Variants in MAGI2 observed in about 807,000 individuals in gnomAD.
MAGI2 encodes membrane-associated guanylate kinase, WW and PDZ domain-containing protein 2.
Under a neutral mutation model 133.3 loss-of-function variants are expected in MAGI2, and 35 were observed. The ratio of observed to expected loss-of-function variants is 0.26; its 90% CI spans 0.20 to 0.35. The LOEUF is 0.35. Ranked by LOEUF, MAGI2 falls within the 10% of genes least tolerant of loss-of-function variation. The pLI, the probability that MAGI2 is intolerant of heterozygous loss-of-function variation, is 1.00. For synonymous variants in MAGI2, 729 were observed against 710.6 expected (o/e 1.03, Z -0.41); for missense variants, 1,636 against 1,863.4 (o/e 0.88, Z 2.25).
intron 1 of MAGI2, among the ~76,000 whole-genome samples, chr7:79,297,470 C>A (rs1299502454): frequency 6.6e-6 from 1 of 152,076 alleles, no homozygotes; most frequent in Non-Finnish European, 1.5e-5. Flanking sequence ...AGGCAGTTGA[C>A]TAAGAGCCTC....
At chr7:79,305,951 A>G (rs1837752484) in intron 1 of MAGI2, among the ~76,000 whole-genome samples, 2 of 151,678 alleles carry the variant, frequency 1.3e-5, no homozygotes, top group African/African-American at 4.8e-5. Flanking sequence ...GAGGCATAGG[A>G]AAGGCTTTGG....
intron 9 of MAGI2, among the ~76,000 whole-genome samples, chr7:78,276,815 C>A (rs1795106722): frequency 6.6e-6 from 1 of 151,944 alleles, no homozygotes; most frequent in South Asian, 2.1e-4. Context: ...CATGAAAATT[C>A]ATGGTAGAGG....
At chr7:78,133,528 C>T (rs957483940) in intron 17 of MAGI2, among the ~76,000 whole-genome samples, 5 of 152,162 alleles carry the variant, frequency 3.3e-5, no homozygotes, top group African/African-American at 1.2e-4. Flanking sequence ...CCTTGTCAGT[C>T]TTATTGCCTC....
chr7:79,015,305 T>TA (rs1320225034), intron 1 of MAGI2, among the ~76,000 whole-genome samples: 4 of 148,776 alleles, frequency 2.7e-5, no homozygotes, highest in African/African-American at 1.0e-4. Context: ...AATGAAAAAT[T>TA]AAAAAAAAAT....
chr7:78,552,077 A>G (rs1163900862), intron 3 of MAGI2, among the ~76,000 whole-genome samples: 1 of 152,028 alleles, frequency 6.6e-6, no homozygotes, highest in African/African-American at 2.4e-5. Context: ...TAAAAGGTCA[A>G]TATACTTTCA....
intron 9 of MAGI2, among the ~76,000 whole-genome samples, chr7:78,293,365 C>A (rs1387867651): frequency 6.6e-6 from 1 of 152,130 alleles, no homozygotes; most frequent in East Asian, 1.9e-4. Flanking sequence ...CAGAGAAATG[C>A]AAATCAAAAC....
At chr7:78,628,599 GTTA>G (rs1165192067) in intron 2 of MAGI2, among the ~76,000 whole-genome samples, 2 of 151,732 alleles carry the variant, frequency 1.3e-5, no homozygotes, top group African/African-American at 2.4e-5. Context: ...AAGATTTGAA[GTTA>G]TTATTTTCTA....
At chr7:78,895,849 A>G (rs972616767) in intron 2 of MAGI2, among the ~76,000 whole-genome samples, 8 of 152,220 alleles carry the variant, frequency 5.3e-5, no homozygotes, top group Admixed American at 5.2e-4. Context: ...TTCAAAGTTA[A>G]CAAATTATTT....
chr7:78,815,147 A>C (rs1789452137), intron 2 of MAGI2, among the ~76,000 whole-genome samples: 1 of 152,170 alleles, frequency 6.6e-6, no homozygotes. Context: ...GCATGAAAAA[A>C]GCTGTAAGTA....
chr7:78,063,805 C>T (rs1813530755), intron 21 of MAGI2, among the ~76,000 whole-genome samples: 1 of 152,120 alleles, frequency 6.6e-6, no homozygotes. Context: ...TTTGCTGATA[C>T]TATTGATCTT....
At chr7:79,048,329 G>A (rs1472343281) in intron 1 of MAGI2, among the ~76,000 whole-genome samples, 1 of 152,110 alleles carries the variant, frequency 6.6e-6, no homozygotes, top group East Asian at 1.9e-4. Context: ...AAGAAATAAT[G>A]CTGAAATAAT....
chr7:78,412,057 C>T (rs992564910), intron 6 of MAGI2, among the ~76,000 whole-genome samples: 1 of 151,938 alleles, frequency 6.6e-6, no homozygotes, highest in African/African-American at 2.4e-5. Context: ...AACTTTAAGG[C>T]ATTGTAAGAG....
At chr7:79,060,192 G>T (rs984681979) in intron 1 of MAGI2, among the ~76,000 whole-genome samples, 1 of 151,962 alleles carries the variant, frequency 6.6e-6, no homozygotes, top group African/African-American at 2.4e-5. Context: ...CAAAGTTGAA[G>T]TTTAAGGTTT....
At chr7:79,139,414 C>A (rs992115390) in intron 1 of MAGI2, among the ~76,000 whole-genome samples, 1 of 152,156 alleles carries the variant, frequency 6.6e-6, no homozygotes, top group Non-Finnish European at 1.5e-5. Context: ...CAGATTATAA[C>A]ACTGGGACTC....
At chr7:78,666,552 A>C (rs1813611165) in intron 2 of MAGI2, among the ~76,000 whole-genome samples, 1 of 152,138 alleles carries the variant, frequency 6.6e-6, no homozygotes, top group African/African-American at 2.4e-5. Context: ...GCTAGCCAGG[A>C]ATAAACTTGA....
chr7:78,553,137 G>C (rs1400795434), intron 3 of MAGI2, among the ~76,000 whole-genome samples: 1 of 149,710 alleles, frequency 6.7e-6, no homozygotes, highest in Non-Finnish European at 1.5e-5. Context: ...CCAGAGCCCA[G>C]ATTTGTCCTT....
At chr7:78,587,112 G>A (rs776244478) in intron 3 of MAGI2, among the ~76,000 whole-genome samples, 12 of 152,144 alleles carry the variant, frequency 7.9e-5, no homozygotes, top group Non-Finnish European at 1.3e-4. Context: ...GAAATTGCTG[G>A]ATTGTTTGAC....
rs367785631 is a variant in MAGI2, at chr7:79,093,210, G to C, written c.302-86004C>G. ...AAAAGAATGACTCATGCTGGGAGAA[G>C]CTCAGTTCTGAGAAACTGAGTCCTA... On this transcript the variant is annotated intron_variant, in intron 1 of 21. Coordinates refer to ENST00000354212, the MANE Select transcript of MAGI2 (RefSeq NM_012301.4). 1.9e-4 allele frequency among the ~76,000 whole-genome samples: 29 copies of C among 151,712 alleles called. No individual in the cohort carries two copies. The East Asian group carries it at 3.9e-3, about 20-fold the overall frequency.
intron 10 of MAGI2, among the ~76,000 whole-genome samples, chr7:78,241,583 G>A (rs1791143120): frequency 6.6e-6 from 1 of 152,110 alleles, no homozygotes; most frequent in South Asian, 2.1e-4. Flanking sequence ...ATATACCAGT[G>A]GCTTGAGTAT....
Sources: gnomAD v4.1 joint callset for allele counts (sites outside exome capture counted in the v4.1 genomes callset) on GRCh38, gnomAD v4.1.1 for gene constraint, MANE v1.5 for transcripts, NCBI Gene and HGNC (gene_info 2026-07-23, HGNC 2026-07-21) for gene names.